DNAAF5: variants seen among roughly 807,000 people sequenced by gnomAD.
The protein encoded by DNAAF5 is dynein axonemal assembly factor 5, also known as HEAT repeat containing 2.
DNAAF5 carries 64 observed loss-of-function variants against 75.8 expected under a neutral mutation model. The observed-to-expected ratio is 0.84, with a 90% CI of 0.69 to 1.04. The LOEUF is 1.04. Ranked by LOEUF, DNAAF5 falls within the 50% of genes least tolerant of loss-of-function variation. DNAAF5 has a pLI of 0.00. For missense variants in DNAAF5, 1,269 were observed against 1,178.5 expected (o/e 1.08, Z -1.12); for synonymous variants, 657 against 557.2 (o/e 1.18, Z -2.52).
At chr7:769,048 C>T in intron 8 of DNAAF5, 1 of 662,852 alleles carries the variant, frequency 1.5e-6, no homozygotes, top group Non-Finnish European at 2.8e-6. Flanking sequence ...CTGGTCTCAC[C>T]GCGAGGCCTG....
chr7:766,036 C>T (rs1467251762), intron 8 of DNAAF5, among the ~76,000 whole-genome samples: 5 of 152,108 alleles, frequency 3.3e-5, no homozygotes, highest in Non-Finnish European at 5.9e-5. Context: ...TTTATGTTGC[C>T]CAGGCTGACC....
intron 7 of DNAAF5, among the ~76,000 whole-genome samples, chr7:763,278 C>T (rs1376744274): frequency 6.6e-6 from 1 of 152,292 alleles, no homozygotes; most frequent in Middle Eastern, 3.4e-3. Context: ...ATTCAGACTC[C>T]AGGCTTGGGG....
At chr7:734,726 T>C (rs1384902008) in intron 2 of DNAAF5, among the ~76,000 whole-genome samples, 1 of 152,226 alleles carries the variant, frequency 6.6e-6, no homozygotes, top group Non-Finnish European at 1.5e-5. Context: ...CTCAGTGGCT[T>C]TTCATTGCGG....
At position 785,711 on chromosome 7, in the gene DNAAF5, C is replaced by G. The variant is rs1427941077; in HGVS notation, c.*58C>G. 3 of 1,584,430 alleles carry G rather than the reference C, an allele frequency of 1.9e-6. No individual in the cohort carries two copies. The highest frequency in any genetic ancestry group is 2.6e-6 in the Non-Finnish European group (3 of 1,163,886). On this transcript the variant is annotated 3_prime_UTR_variant, in exon 13 of 13. Coordinates refer to ENST00000297440, the MANE Select transcript of DNAAF5 (RefSeq NM_017802.4). ...CCCCACCTGAGCCAGAGTTTGTGGCCTTTAAATCTCATAAACAAGGCACCT... is the reference window on the plus strand; with the variant it reads ...CCCCACCTGAGCCAGAGTTTGTGGCGTTTAAATCTCATAAACAAGGCACCT...
intron 4 of DNAAF5, among the ~76,000 whole-genome samples, chr7:741,757 T>C (rs1303527894): frequency 6.6e-6 from 1 of 152,196 alleles, no homozygotes; most frequent in Non-Finnish European, 1.5e-5. Context: ...CACTGCCAGA[T>C]GGTGTCCGCC....
chr7:768,937 C>G (rs1419780131), intron 8 of DNAAF5: 1 of 566,454 alleles, frequency 1.8e-6, no homozygotes, highest in East Asian at 2.8e-5. Flanking sequence ...GGCACTTGGC[C>G]CAAGACTCGT....
intron 2 of DNAAF5, among the ~76,000 whole-genome samples, chr7:739,125 GGC>G (rs1781826726): frequency 1.7e-5 from 1 of 58,644 alleles, no homozygotes; most frequent in Non-Finnish European, 3.7e-5. Flanking sequence ...TACCTGTTTG[GGC>G]TGGGGGCTGG....
At chr7:772,661 T>C (rs1158243401) in intron 9 of DNAAF5, 2 of 152,220 alleles carry the variant, frequency 1.3e-5, no homozygotes, top group Non-Finnish European at 1.5e-5. Flanking sequence ...GCCCGTGGAC[T>C]ATAGTGTCTT....
intron 2 of DNAAF5, among the ~76,000 whole-genome samples, chr7:737,863 G>C (rs563695363): frequency 6.6e-6 from 1 of 152,142 alleles, no homozygotes; most frequent in African/African-American, 2.4e-5. Flanking sequence ...TTGATCTTTG[G>C]GAGTTTGATT....
intron 11 of DNAAF5, chr7:778,583 T>C (rs546617264): frequency 1.3e-5 from 2 of 152,312 alleles, no homozygotes; most frequent in East Asian, 3.9e-4. Flanking sequence ...AAAAACACAA[T>C]AGCCAGTGCC....
rs752975330 is a variant in DNAAF5 at position 774,209 on chromosome 7, C to G, written c.2082+11C>G. ...CTGTCGGCAGAGCAGGTACGGGGCT[C>G]CCTGCGTGCTCGGTGGACACCGGCC... On this transcript the variant is annotated intron_variant, in intron 10 of 12. Coordinates refer to ENST00000297440, the MANE Select transcript of DNAAF5 (RefSeq NM_017802.4). 5.6e-6 allele frequency: 9 copies of G among 1,598,244 alleles called. No individual in the cohort carries two copies. Among genetic ancestry groups the G allele is most frequent in the East Asian group, 4.5e-5 (2 of 44,754 alleles).
At chr7:753,111 G>A (rs1340328920) in intron 4 of DNAAF5, among the ~76,000 whole-genome samples, 2 of 152,262 alleles carry the variant, frequency 1.3e-5, no homozygotes, top group Non-Finnish European at 2.9e-5. Flanking sequence ...TTGGAAAATG[G>A]TTGGACAGTT....
At chr7:764,014 A>G in intron 8 of DNAAF5, 40 bp downstream of exon 8, 1 of 1,593,586 alleles carries the variant, frequency 6.3e-7, no homozygotes, top group Admixed American at 1.7e-5. Flanking sequence ...GCCTGGCCCC[A>G]CTCAGGCTAC....
In DNAAF5 at chr7:754,591, C is replaced by T. The variant is rs773921234; in HGVS notation, c.1027C>T (p.Arg343Cys). 1.9e-5 allele frequency: 30 copies of T among 1,612,584 alleles called. No individual in the cohort carries two copies. In the East Asian group the frequency reaches 2.7e-4, roughly 14 times the overall value. ...CTTCTTTCCCTTTTTCGTTCCAGAGCGCCGCCCTGTGCTGGGCTGCCGGGA... is the reference window on the plus strand; with the variant it reads ...CTTCTTTCCCTTTTTCGTTCCAGAGTGCCGCCCTGTGCTGGGCTGCCGGGA... ...PTPPHYPPHERRPVLGCRELV... is the reference protein window; with the variant it reads ...PTPPHYPPHECRPVLGCRELV... Residue 343 changes from arginine to cysteine, a missense_variant and splice_region_variant, in exon 5 of 13, where the codon CGC (arginine) becomes TGC (cysteine). Arg to Cys is a radical substitution (Grantham distance 180). Transcript: ENST00000297440. This position sits in a 1 kb window ranked among gnomAD's most constrained non-coding sequence, Gnocchi z 4.8.
rs1490596267 is a variant in DNAAF5, at chr7:727,212, G to A, written c.492G>A (p.Leu164=). 1 of 1,351,168 alleles carries A rather than the reference G, an allele frequency of 7.4e-7. No homozygotes were observed. The highest frequency in any genetic ancestry group is 1.7e-5 in the South Asian group (1 of 59,158). The allele number at this position is 1,351,168 out of a possible 1,614,324, so 83.7% of individuals were successfully genotyped here. A position where few individuals can be genotyped will look rare whatever the true frequency, so the allele number is the denominator to read the frequency against. ...GCGGCGCCGCGCTCGCGCCCCACCT[G>A]GACGACGCTCTGCGCGCGCTGCGCT... The part of the protein sequence containing the change: ...DLCGAALAPH[L]DDALRALRCS... The change falls in exon 1 of 13, where the codon CTG becomes CTA. Residue 164 remains leucine (L), a synonymous_variant. Coordinates refer to ENST00000297440, the MANE Select transcript of DNAAF5 (RefSeq NM_017802.4).
intron 8 of DNAAF5, among the ~76,000 whole-genome samples, chr7:767,711 C>A (rs970153298): frequency 1.3e-5 from 2 of 151,586 alleles, no homozygotes; most frequent in African/African-American, 4.8e-5. Flanking sequence ...GTGATCAGGG[C>A]GGAAGTGTCC....
At position 756,950 on chromosome 7, in the gene DNAAF5, G is replaced by T. The variant is rs558312675; in HGVS notation, c.1426G>T (p.Ala476Ser). 1 of 1,607,518 alleles carries T rather than the reference G, an allele frequency of 6.2e-7. No homozygotes were observed. The highest frequency in any genetic ancestry group is 1.1e-5 in the South Asian group (1 of 91,066). The change falls in exon 6 of 13, where the codon GCC becomes TCC. Residue 476 changes from alanine (A) to serine (S), a missense_variant. By Grantham distance (99) the Ala-to-Ser change is moderately conservative (BLOSUM62 1). Coordinates refer to ENST00000297440, the MANE Select transcript of DNAAF5 (RefSeq NM_017802.4). ...CCTCCAGCCGCACCTGGCAGCCATC[G>T]CCACAGAGCTGGCACAGGCCCACAT... is the stretch of plus-strand genomic sequence containing the variant. ...EALQPHLAAIATELAQAHICQ... is the reference protein window; with the variant it reads ...EALQPHLAAISTELAQAHICQ...
Position 782,159 on chromosome 7 carries a change from C to T in DNAAF5, c.2431+2015C>T, listed in dbSNP as rs539761007. ...GCGCAGCGTCAGAAACTCGGATCTT[C>T]GCGGCGTGGCCGCCTCCCGACACGC... On this transcript the variant is annotated intron_variant, in intron 12 of 12. Coordinates refer to ENST00000297440, the MANE Select transcript of DNAAF5 (RefSeq NM_017802.4). Among the ~76,000 whole-genome samples, 7 of 152,098 alleles carry T rather than the reference C, an allele frequency of 4.6e-5. No homozygotes were observed. The South Asian group carries it at 1.2e-3, about 27-fold the overall frequency.
chr7:768,437 G>GA (rs1778425814), intron 8 of DNAAF5: 1 of 150,116 alleles, frequency 6.7e-6, no homozygotes, highest in Non-Finnish European at 1.5e-5. Context: ...GCTGCGAGTG[G>GA]GCGCTCCGGC....
Sources: gnomAD v4.1 joint callset for allele counts (sites outside exome capture counted in the v4.1 genomes callset) on GRCh38, gnomAD v4.1.1 for gene constraint, Gnocchi (gnomAD v3.1) non-coding constraint, MANE v1.5 for transcripts, NCBI Gene and HGNC (gene_info 2026-07-23, HGNC 2026-07-21) for gene names.